The following PLOD2 variants were observed in gnomAD, a reference collection of about 807,000 sequenced individuals.
The protein encoded by PLOD2 is lysine hydroxylase 2.
A neutral mutation model predicts 101.0 loss-of-function variants in PLOD2; 65 were observed. The observed-to-expected ratio is 0.64, with a 90% CI of 0.53 to 0.79. PLOD2 has a LOEUF of 0.79. Among genes scored for constraint, PLOD2 ranks in the 30% least tolerant of loss-of-function variants. The pLI is 0.00. For synonymous variants in PLOD2, 314 were observed against 302.9 expected (o/e 1.04, Z -0.38); for missense variants, 909 against 914.6 (o/e 0.99, Z 0.08).
chr3:146,088,858 TC>T lies in PLOD2; in HGVS notation c.880-148del, dbSNP rs1173017894. 4.3e-6 allele frequency: 3 copies of T among 697,352 alleles called. No individual in the cohort carries two copies. In the African/African-American group the frequency reaches 5.5e-5, roughly 13 times the overall value. 43.2% of individuals were successfully genotyped at this position (697,352 alleles called of 1,614,324 possible). On this transcript the variant is annotated intron_variant, in intron 8 of 19. Transcript: ENST00000282903. ...TAAATTTGAATTGCTCCATGGCAGT[TC>T]TCTAACACTTGAAACAAATTTTTGT...
intron 10 of PLOD2, 140 bp downstream of exon 10, chr3:146,086,647 T>C: frequency 1.9e-6 from 1 of 535,710 alleles, no homozygotes; most frequent in Non-Finnish European, 3.3e-6. Flanking sequence ...ATAGACACAG[T>C]CTAAGTTGGC....
chr3:146,104,974 G>A (rs573445205), intron 5 of PLOD2: 4 of 152,280 alleles, frequency 2.6e-5, no homozygotes, highest in Non-Finnish European at 4.4e-5. Flanking sequence ...TTTTACTACC[G>A]TGCCTCTCTT....
At chr3:146,124,280 C>T in intron 1 of PLOD2, 51 bp from the exon 2 acceptor site, 2 of 992,232 alleles carry the variant, frequency 2.0e-6, no homozygotes, top group Non-Finnish European at 3.2e-6. Flanking sequence ...ATCAAATGCT[C>T]ACATTTTACA....
At chr3:146,109,085 G>A (rs1937583417) in intron 4 of PLOD2, among the ~76,000 whole-genome samples, 1 of 152,146 alleles carries the variant, frequency 6.6e-6, no homozygotes, top group Admixed American at 6.6e-5. Context: ...TTCACAAGCT[G>A]GAAATCTAAC....
chr3:146,074,639 C>T (rs748461527), intron 15 of PLOD2, among the ~76,000 whole-genome samples: 6 of 150,938 alleles, frequency 4.0e-5, no homozygotes, highest in Non-Finnish European at 8.9e-5. Context: ...AATAATCATC[C>T]ATAAGATTTA....
chr3:146,070,776 C>T lies in PLOD2; in HGVS notation c.2218G>A (p.Glu740Lys). Residue 740 changes from glutamate to lysine, a missense_variant, in exon 20 of 20, where the codon GAA becomes AAA. By Grantham distance (56) the Glu-to-Lys change is moderately conservative. Transcript: ENST00000282903. Reference protein sequence around the residue: ...MHPGRLTHLHEGLPVKNGTRY... With the variant: ...MHPGRLTHLHKGLPVKNGTRY... ...GTTCCATTTTTAACAGGAAGTCCTT[C>T]ATGCAAATGTGTGAGTCTCCCAGGA... The T allele has an allele frequency of 6.2e-7, 1 of 1,609,608 alleles. No homozygotes were observed. The highest frequency in any genetic ancestry group is 1.1e-5 in the South Asian group (1 of 90,972).
chr3:146,144,901 G>T lies in PLOD2; in HGVS notation c.109+15980C>A, dbSNP rs182946885. 7.9e-5 allele frequency among the ~76,000 whole-genome samples: 12 copies of T among 152,138 alleles called. No individual in the cohort carries two copies. In the East Asian group the frequency reaches 2.3e-3, roughly 29 times the overall value. ...GTTTTACATTGTTTACTAATTGATA[G>T]TGTGTTCATGGACAAATTTAAATTT... On this transcript the variant is annotated intron_variant, in intron 1 of 19. Coordinates refer to ENST00000282903, the MANE Select transcript of PLOD2 (RefSeq NM_182943.3).
intron 1 of PLOD2, among the ~76,000 whole-genome samples, chr3:146,132,975 G>A (rs985988084): frequency 2.6e-5 from 4 of 152,070 alleles, no homozygotes; most frequent in African/African-American, 7.2e-5. Flanking sequence ...TCAGGAGATC[G>A]AGACCATCCT....
intron 3 of PLOD2, among the ~76,000 whole-genome samples, chr3:146,119,940 T>A (rs1271403373): frequency 6.6e-6 from 1 of 152,198 alleles, no homozygotes; most frequent in Admixed American, 6.5e-5. Flanking sequence ...TGATTTATAA[T>A]CCTTTGGGTA....
At chr3:146,089,247 T>G (rs997706320) in intron 8 of PLOD2, among the ~76,000 whole-genome samples, 1 of 151,452 alleles carries the variant, frequency 6.6e-6, no homozygotes, top group East Asian at 1.9e-4. Flanking sequence ...TGTTAATATA[T>G]CTTATCTTAA....
At chr3:146,157,226 G>C (rs563552271) in intron 1 of PLOD2, among the ~76,000 whole-genome samples, 1 of 152,160 alleles carries the variant, frequency 6.6e-6, no homozygotes, top group African/African-American at 2.4e-5. Context: ...CAAAACCTGA[G>C]AATGTCTGTG....
chr3:146,110,998 C>A (rs954532660), intron 3 of PLOD2, among the ~76,000 whole-genome samples: 1 of 151,886 alleles, frequency 6.6e-6, no homozygotes, highest in Non-Finnish European at 1.5e-5. Flanking sequence ...AAGCTCAATA[C>A]ACTTGGGAGA....
At chr3:146,135,282 T>TA (rs2031166931) in intron 1 of PLOD2, among the ~76,000 whole-genome samples, 1 of 152,192 alleles carries the variant, frequency 6.6e-6, no homozygotes, top group Admixed American at 6.5e-5. Flanking sequence ...GAAGTTGCTA[T>TA]ATAAGATATT....
chr3:146,149,935 A>C (rs965448864), intron 1 of PLOD2, among the ~76,000 whole-genome samples: 6 of 152,144 alleles, frequency 3.9e-5, no homozygotes, highest in East Asian at 1.9e-4. Context: ...ATAGCCAGAA[A>C]AAAAAGCAGT....
chr3:146,137,357 C>G, intron 1 of PLOD2, among the ~76,000 whole-genome samples: 1 of 152,114 alleles, frequency 6.6e-6, no homozygotes, highest in Non-Finnish European at 1.5e-5. Context: ...TGTGATACTC[C>G]CACCTCAGCC....
At chr3:146,102,018 T>C (rs1477718493) in intron 7 of PLOD2, among the ~76,000 whole-genome samples, 1 of 152,192 alleles carries the variant, frequency 6.6e-6, no homozygotes, top group East Asian at 1.9e-4. Flanking sequence ...TTCAGATCAC[T>C]CACTCCTCTG....
chr3:146,070,593 A>C lies in PLOD2; in HGVS notation c.*124T>G. 1 of 630,764 alleles carries C rather than the reference A, an allele frequency of 1.6e-6. No individual in the cohort carries two copies. The allele number at this position is 630,764 out of a possible 1,614,324, so 39.1% of individuals were successfully genotyped here. ...AAAAGTTTTTCAAATGTTTGGCCCA[A>C]AGTGAAGTTGTTCTGTTGATGTTAT... On this transcript the variant is annotated 3_prime_UTR_variant, in exon 20 of 20. Transcript: ENST00000282903.
chr3:146,120,141 C>T (rs374670406), intron 3 of PLOD2, among the ~76,000 whole-genome samples: 1 of 152,044 alleles, frequency 6.6e-6, no homozygotes, highest in East Asian at 1.9e-4. Flanking sequence ...CATTCTAACT[C>T]GTGTGAGATG....
intron 8 of PLOD2, among the ~76,000 whole-genome samples, chr3:146,091,283 C>T (rs1168928029): frequency 1.3e-5 from 2 of 151,964 alleles, no homozygotes; most frequent in East Asian, 1.9e-4. Flanking sequence ...ACGTTACTTA[C>T]ATTTATGCAC....
Sources: allele counts gnomAD v4.1 joint callset (sites outside exome capture counted in the v4.1 genomes callset), GRCh38; gene constraint gnomAD v4.1.1; transcripts MANE v1.5; gene names NCBI Gene and HGNC (gene_info 2026-07-23, HGNC 2026-07-21).